Variants in TIMM44 observed in about 807,000 individuals in gnomAD.
TIMM44 encodes mitochondrial import inner membrane translocase subunit TIM44.
Under a neutral mutation model 63.8 loss-of-function variants are expected in TIMM44, and 37 were observed. The ratio of observed to expected loss-of-function variants is 0.58; its 90% confidence interval spans 0.45 to 0.76. The LOEUF (loss-of-function observed/expected upper bound fraction) is 0.76, where lower values mean the gene tolerates loss of function less well. Among genes scored for constraint, TIMM44 ranks in the 30% least tolerant of loss-of-function variants. The pLI is 0.00. For synonymous variants in TIMM44, 239 were observed against 245.1 expected (o/e 0.98, Z 0.23); for missense variants, 573 against 603.8 (o/e 0.95, Z 0.54).
intron 10 of TIMM44, among the ~76,000 whole-genome samples, chr19:7,929,233 G>A (rs1311368587): frequency 2.6e-5 from 4 of 152,170 alleles, no homozygotes; most frequent in Non-Finnish European, 5.9e-5. Context: ...TGCCAGGGAT[G>A]GGGCAGACAG....
At position 7,939,637 on chromosome 19, in the gene TIMM44, T is replaced by C. The variant is rs1168731254; in HGVS notation, c.142-1440A>G. Among the ~76,000 whole-genome samples the C allele has an allele frequency of 2.2e-5, 3 of 139,482 alleles. No individual in the cohort carries two copies. The East Asian group carries it at 6.4e-4, about 30-fold the overall frequency. The allele number at this position is 139,482 out of a possible 152,430, so 91.5% of individuals were successfully genotyped here. A position where few individuals can be genotyped will look rare whatever the true frequency, so the allele number is the denominator to read the frequency against. ...CAAAAAAAAAAAAAAAAAAGCAGGC[T>C]GGACACAGTGGCTCATATCTGTAAT... On this transcript the variant is annotated intron_variant, in intron 2 of 12. Coordinates refer to ENST00000270538, the MANE Select transcript of TIMM44 (RefSeq NM_006351.4).
At chr19:7,936,491 A>C (rs1192858580) in intron 3 of TIMM44, among the ~76,000 whole-genome samples, 1 of 152,092 alleles carries the variant, frequency 6.6e-6, no homozygotes, top group Non-Finnish European at 1.5e-5. Flanking sequence ...AAAAAACACA[A>C]ATGAAACCAA....
intron 9 of TIMM44, 69 bp downstream of exon 9, chr19:7,932,558 G>A: frequency 1.9e-6 from 3 of 1,593,290 alleles, no homozygotes; most frequent in Non-Finnish European, 2.6e-6. Context: ...CAGGGTGCCG[G>A]CTGCGGCGGG....
At chr19:7,931,347 C>T (rs1375350652) in intron 9 of TIMM44, 159 bp from the exon 10 acceptor site, 4 of 694,170 alleles carry the variant, frequency 5.8e-6, no homozygotes, top group African/African-American at 1.8e-5. Context: ...CACTGGGTGT[C>T]CCCCCCAGGC....
intron 10 of TIMM44, 170 bp from the exon 11 acceptor site, chr19:7,928,336 C>T (rs1367139163): frequency 4.9e-6 from 3 of 611,666 alleles, no homozygotes; most frequent in East Asian, 5.5e-5. Flanking sequence ...CACTTACTGG[C>T]CCAGATCACA....
At chr19:7,931,058 G>A (rs1355812474) in intron 10 of TIMM44, 80 bp downstream of exon 10, 5 of 1,387,818 alleles carry the variant, frequency 3.6e-6, no homozygotes, top group South Asian at 1.2e-5. Context: ...CTACCCCAAC[G>A]GAGCCACCGA....
Position 7,933,734 on chromosome 19 carries a change from G to A in TIMM44, c.683+130C>T. The A allele has an allele frequency of 1.4e-6, 2 of 1,463,720 alleles. No individual in the cohort carries two copies. The highest frequency in any genetic ancestry group is 1.9e-6 in the Non-Finnish European group (2 of 1,052,558). 90.7% of individuals were successfully genotyped at this position (1,463,720 alleles called of 1,614,324 possible). A position where few individuals can be genotyped will look rare whatever the true frequency, so the allele number is the denominator to read the frequency against. ...ACCTCTCACCCTCAAATTCGAGGGA[G>A]CCGGGAACCTTGGGCAGAAGGCAAA... On this transcript the variant is annotated intron_variant, in intron 6 of 12. Transcript: ENST00000270538. This position sits in a 1 kb window ranked among gnomAD's most constrained non-coding sequence, Gnocchi z 4.3.
chr19:7,939,785 GCCTGCCTGTAGTC>G (rs1984254575), intron 2 of TIMM44, among the ~76,000 whole-genome samples: 2 of 152,050 alleles, frequency 1.3e-5, no homozygotes, highest in South Asian at 4.2e-4. Flanking sequence ...GTGTGGCGGC[GCCTGCCTGTAGTC>G]CCAGCTACTG....
chr19:7,941,276 C>G, intron 1 of TIMM44, 79 bp from the exon 2 acceptor site: 1 of 1,123,662 alleles, frequency 8.9e-7, no homozygotes, highest in Non-Finnish European at 1.4e-6. Flanking sequence ...CACAAAACAG[C>G]AGGGTCACCT....
intron 3 of TIMM44, 24 bp from the exon 4 acceptor site, chr19:7,935,169 T>A: frequency 1.3e-6 from 1 of 759,570 alleles, no homozygotes; most frequent in Non-Finnish European, 1.8e-6. Context: ...GCTGTGTCCT[T>A]TTTTTTTTTT....
At position 7,927,070 on chromosome 19, in the gene TIMM44, G is replaced by C; in HGVS notation, c.*117C>G. The C allele has an allele frequency of 1.4e-6, 2 of 1,445,276 alleles. No individual in the cohort carries two copies. The highest frequency in any genetic ancestry group is 1.9e-6 in the Non-Finnish European group (2 of 1,067,438). The allele number at this position is 1,445,276 out of a possible 1,614,324, so 89.5% of individuals were successfully genotyped here. A position where few individuals can be genotyped will look rare whatever the true frequency, so the allele number is the denominator to read the frequency against. The stretch of plus-strand genomic sequence containing the variant: ...AGCTGGTCTTGCAGCCGTCCTGGCA[G>C]AGCTGGGGGCAGAGCCCGCAGTCTT... On this transcript the variant is annotated 3_prime_UTR_variant, in exon 13 of 13. Transcript: ENST00000270538.
chr19:7,927,176 C>A lies in TIMM44; in HGVS notation c.*11G>T, dbSNP rs1039692554. On this transcript the variant is annotated 3_prime_UTR_variant, in exon 13 of 13. Transcript: ENST00000270538. ...GACCCAGGCCGGGGCTACCTGGCTC[C>A]GGCACCACACTCAGAGAATCTGCTC... The A allele has an allele frequency of 8.1e-6, 13 of 1,604,140 alleles. No homozygotes were observed. The highest frequency in any genetic ancestry group is 1.1e-5 in the Non-Finnish European group (13 of 1,178,784).
chr19:7,937,750 GCTCACGCCTGT>G (rs1258585046), intron 3 of TIMM44: 1 of 410,202 alleles, frequency 2.4e-6, no homozygotes, highest in African/African-American at 2.1e-5. Context: ...CAACGCGGTG[GCTCACGCCTGT>G]AATCCCAGCA....
In TIMM44 at chr19:7,938,133, T is replaced by A; in HGVS notation, c.206A>T (p.Gln69Leu). 5.0e-6 allele frequency: 8 copies of A among 1,614,092 alleles called. No homozygotes were observed. Among genetic ancestry groups the A allele is most frequent in the Non-Finnish European group, 6.8e-6 (8 of 1,179,996 alleles). The part of the protein sequence containing the change: ...FLSGLLDNVK[Q>L]ELAKNKEMKE... ...CATTTCTTTGTTTTTGGCTAATTCT[T>A]GTTTGACATTATCTAGCAAGCCGGA... is the stretch of plus-strand genomic sequence containing the variant. The change falls in exon 3 of 13, where the codon CAA becomes CTA. Residue 69 changes from glutamine to leucine, a missense_variant. Coordinates refer to ENST00000270538, the MANE Select transcript of TIMM44 (RefSeq NM_006351.4).
At position 7,934,554 on chromosome 19, in the gene TIMM44, C is replaced by T. The variant is rs1234721134; in HGVS notation, c.394-316G>A. Among the ~76,000 whole-genome samples, 1 of 152,110 alleles carries T rather than the reference C, an allele frequency of 6.6e-6. No homozygotes were observed. The highest frequency in any genetic ancestry group is 2.4e-5 in the African/African-American group (1 of 41,426). On this transcript the variant is annotated intron_variant, in intron 4 of 12. Transcript: ENST00000270538. The surrounding 1 kb of genome is among the most constrained non-coding windows in gnomAD (Gnocchi z 5.3). The stretch of plus-strand genomic sequence containing the variant: ...TGCTGGCCCTGGGCTCTGGGTGAGA[C>T]GCTGGGTCTGCTGGCCCCTTTCCAA...
chr19:7,936,222 G>A (rs558205315), intron 3 of TIMM44, among the ~76,000 whole-genome samples: 4 of 152,218 alleles, frequency 2.6e-5, no homozygotes, highest in Admixed American at 6.5e-5. Flanking sequence ...AGGCCAAGGC[G>A]GATGGATCAC....
At chr19:7,927,343 T>C (rs752689368) in intron 12 of TIMM44, 37 bp from the exon 13 acceptor site, 3 of 1,603,548 alleles carry the variant, frequency 1.9e-6, no homozygotes, top group Non-Finnish European at 8.5e-7. Flanking sequence ...GTTGAGAGGG[T>C]TGAGGTGACC....
At chr19:7,929,429 G>A (rs1041680878) in intron 10 of TIMM44, among the ~76,000 whole-genome samples, 1 of 152,164 alleles carries the variant, frequency 6.6e-6, no homozygotes, top group African/African-American at 2.4e-5. Context: ...CAGGGCCTGG[G>A]GAGGGGCACC....
chr19:7,940,275 C>T (rs1984271266), intron 2 of TIMM44, among the ~76,000 whole-genome samples: 1 of 151,616 alleles, frequency 6.6e-6, no homozygotes, highest in Non-Finnish European at 1.5e-5. Flanking sequence ...GGACAGGTGG[C>T]CAGGCCTCCT....
Sources: gnomAD v4.1 joint callset for allele counts (sites outside exome capture counted in the v4.1 genomes callset) on GRCh38, gnomAD v4.1.1 for gene constraint, Gnocchi (gnomAD v3.1) non-coding constraint, MANE v1.5 for transcripts, NCBI Gene and HGNC (gene_info 2026-07-23, HGNC 2026-07-21) for gene names.